F8: variants seen among roughly 807,000 people sequenced by gnomAD.
The protein encoded by F8 is coagulation factor VIII.
A neutral mutation model predicts 140.6 loss-of-function variants in F8; 12 were observed. That is an observed-to-expected ratio of 0.09 (90% CI 0.05 to 0.14). The LOEUF is 0.14. Among genes scored for constraint, F8 ranks in the 10% least tolerant of loss-of-function variants. The pLI is 1.00. For missense variants in F8, 1,354 were observed against 1,720.7 expected (o/e 0.79, Z 3.77); for synonymous variants, 585 against 614.6 (o/e 0.95, Z 0.71).
chrX:154,991,431 T>G (rs962077548), intron 4 of F8, among the ~76,000 whole-genome samples: 1 of 112,298 alleles, frequency 8.9e-6, no homozygotes, highest in Non-Finnish European at 1.9e-5. Context: ...TTCTATTTGC[T>G]TTTTAGAAAT....
At chrX:154,877,930 C>T (rs781951550) in intron 22 of F8, among the ~76,000 whole-genome samples, 20 of 111,447 alleles carry the variant, frequency 1.8e-4, no homozygotes, top group Middle Eastern at 4.6e-3. Flanking sequence ...TAATGACTGA[C>T]TATACAAATC....
At chrX:154,910,235 G>A (rs973716072) in intron 14 of F8, among the ~76,000 whole-genome samples, 17 of 111,502 alleles carry the variant, frequency 1.5e-4, no homozygotes, top group Non-Finnish European at 1.7e-4. Flanking sequence ...GGAATACTAT[G>A]CAGCCATAAA....
Position 154,929,021 on chromosome X carries a change from T to A in F8, c.4769A>T (p.Tyr1590Phe), listed in dbSNP as rs1243859002. The change falls in exon 14 of 26, where the codon TAT becomes TTT. Residue 1590 changes from tyrosine (Y) to phenylalanine (F), a missense_variant. Tyr to Phe is a conservative substitution (Grantham distance 22). Around this residue, in one of 4 missense-constraint regions of F8, gnomAD observed 658 missense variants for 666.5 expected, o/e 0.99. Coordinates refer to ENST00000360256, the MANE Select transcript of F8 (RefSeq NM_000132.4). ...LLDPLAWDNH[Y>F]GTQIPKEEWK... Reference sequence around the variant, plus strand: ...CTCTTCTTTTGGTATCTGAGTACCATAGTGGTTATCCCAAGCAAGAGGATC... The same window carrying A: ...CTCTTCTTTTGGTATCTGAGTACCAAAGTGGTTATCCCAAGCAAGAGGATC... 2.0e-5 allele frequency: 24 copies of A among 1,209,453 alleles called. No homozygotes were observed. Among genetic ancestry groups the A allele is most frequent in the African/African-American group, 3.5e-5 (2 of 57,105 alleles).
At chrX:154,903,647 C>T (rs1277344021) in intron 18 of F8, among the ~76,000 whole-genome samples, 2 of 112,011 alleles carry the variant, frequency 1.8e-5, no homozygotes, top group African/African-American at 6.5e-5. Flanking sequence ...GGAATAAATT[C>T]CTTTTCCCTA....
intron 6 of F8, among the ~76,000 whole-genome samples, chrX:154,979,411 A>T: frequency 9.0e-6 from 1 of 111,122 alleles, no homozygotes; most frequent in Middle Eastern, 4.7e-3. Flanking sequence ...GGGCAGGTAG[A>T]GCTGGGCTAC....
At chrX:154,901,916 C>A in intron 19 of F8, 135 bp downstream of exon 19, 2 of 555,371 alleles carry the variant, frequency 3.6e-6, no homozygotes, top group Non-Finnish European at 6.5e-6. Flanking sequence ...TTTCTACCAG[C>A]AATATTCATT....
chrX:154,940,179 A>T (rs781967588), intron 13 of F8, among the ~76,000 whole-genome samples: 1 of 112,202 alleles, frequency 8.9e-6, no homozygotes, highest in Admixed American at 9.4e-5. Flanking sequence ...GACTTTGATG[A>T]GTTGAGAGAG....
intron 25 of F8, among the ~76,000 whole-genome samples, chrX:154,859,743 C>A (rs2072676067): frequency 9.0e-6 from 1 of 111,570 alleles, no homozygotes. Flanking sequence ...AGTCTTTCAT[C>A]CAGCCTTGAT....
intron 9 of F8, among the ~76,000 whole-genome samples, chrX:154,964,309 T>C (rs2073412755): frequency 8.9e-6 from 1 of 111,738 alleles, no homozygotes; most frequent in African/African-American, 3.3e-5. Context: ...AAAATTATTG[T>C]GTCATTATGC....
chrX:154,876,769 T>G (rs2072819521), intron 22 of F8, among the ~76,000 whole-genome samples: 1 of 110,991 alleles, frequency 9.0e-6, no homozygotes, highest in Non-Finnish European at 1.9e-5. Context: ...TGGGGTGGGA[T>G]GGTGCAAAAT....
At chrX:154,916,123 G>C (rs1418080854) in intron 14 of F8, among the ~76,000 whole-genome samples, 3 of 112,025 alleles carry the variant, frequency 2.7e-5, no homozygotes, top group Non-Finnish European at 3.8e-5. Flanking sequence ...ATTTCCATAT[G>C]TTGAACTATC....
chrX:154,850,083 T>TTTTTTTTG (rs782376670), intron 25 of F8, among the ~76,000 whole-genome samples: 3 of 96,073 alleles, frequency 3.1e-5, no homozygotes, highest in African/African-American at 1.2e-4. Context: ...CAGGCTTGTT[T>TTTTTTTTG]TGTGTGTGTG....
chrX:154,952,474 T>C (rs1317730258), intron 12 of F8, among the ~76,000 whole-genome samples: 1 of 111,294 alleles, frequency 9.0e-6, no homozygotes, highest in African/African-American at 3.3e-5. Context: ...TTGTAACATA[T>C]GCCACATTCT....
rs1258584071 is a variant in F8, at chrX:154,966,152, GA to G, written c.1272-12del. On this transcript the variant is annotated splice_polypyrimidine_tract_variant and intron_variant, in intron 8 of 25. Transcript: ENST00000360256. ...TGACTTTTATAACTTCTGTATAAGA[GA>G]AAAAAAGATGAGAGGTTGGGAAGAA... 8.3e-7 allele frequency: 1 copy of G among 1,202,091 alleles called. No individual in the cohort carries two copies. Among genetic ancestry groups the G allele is most frequent in the Non-Finnish European group, 1.1e-6 (1 of 890,244 alleles).
At position 154,904,455 on chromosome X, in the gene F8, G is replaced by A. The variant is rs782560942; in HGVS notation, c.5656C>T (p.His1886Tyr). 1.1e-5 allele frequency: 13 copies of A among 1,211,587 alleles called. No homozygotes were observed. The East Asian group carries it at 2.7e-4, about 25-fold the overall frequency. ...VCHTNTLNPAHGRQVTVQEFA... is the reference protein window; with the variant it reads ...VCHTNTLNPAYGRQVTVQEFA... ...TCCTGTACTGTCACTTGTCTCCCATGAGCAGGGTTCAGTGTGTTAGTGTGG... is the reference window on the plus strand; with the variant it reads ...TCCTGTACTGTCACTTGTCTCCCATAAGCAGGGTTCAGTGTGTTAGTGTGG... The change falls in exon 17 of 26, where the codon CAT becomes TAT. Residue 1886 changes from histidine (H) to tyrosine (Y), a missense_variant. By Grantham distance (83) the His-to-Tyr change is moderately conservative (BLOSUM62 2). Around this residue, in one of 4 missense-constraint regions of F8, gnomAD observed 316 missense variants for 485.4 expected, o/e 0.65. Transcript: ENST00000360256.
chrX:154,860,750 A>G (rs1219954503), intron 24 of F8, 142 bp from the exon 25 acceptor site: 2 of 577,366 alleles, frequency 3.5e-6, no homozygotes, highest in African/African-American at 4.4e-5. Context: ...CCCAGGCTGT[A>G]GTGCAATGGC....
At chrX:154,972,155 G>A (rs1010026126) in intron 6 of F8, among the ~76,000 whole-genome samples, 10 of 111,962 alleles carry the variant, frequency 8.9e-5, no homozygotes, top group African/African-American at 1.6e-4. Flanking sequence ...GTGTATAAGG[G>A]TTTCTTTGTC....
At chrX:154,981,042 T>C (rs2073516563) in intron 6 of F8, among the ~76,000 whole-genome samples, 1 of 112,058 alleles carries the variant, frequency 8.9e-6, no homozygotes, top group African/African-American at 3.2e-5. Context: ...TAGACGCAAG[T>C]CTCATGCTGG....
intron 25 of F8, among the ~76,000 whole-genome samples, chrX:154,849,135 G>A (rs974729635): frequency 6.4e-5 from 7 of 109,533 alleles, no homozygotes; most frequent in Admixed American, 2.0e-4. Flanking sequence ...CACCACACCC[G>A]GCTAATTTTT....
Sources: gnomAD v4.1 joint callset for allele counts (sites outside exome capture counted in the v4.1 genomes callset) on GRCh38, gnomAD v4.1.1 for gene constraint, gnomAD v4.1.1 regional missense constraint, MANE v1.5 for transcripts, NCBI Gene and HGNC (gene_info 2026-07-23, HGNC 2026-07-21) for gene names.